Variants in PRDM10 observed in about 807,000 individuals in gnomAD.
PRDM10 encodes the protein PR/SET domain 10, also known as PR domain zinc finger protein 10.
Under a neutral mutation model 133.1 loss-of-function variants are expected in PRDM10, and 65 were observed. The observed-to-expected ratio is 0.49, with a 90% CI of 0.40 to 0.60. The LOEUF (loss-of-function observed/expected upper bound fraction) is 0.60, where lower values mean the gene tolerates loss of function less well. PRDM10 is among the 20% of genes least tolerant of loss of function. PRDM10 has a pLI of 0.00. For missense variants in PRDM10, 1,137 were observed against 1,507.1 expected, an observed-to-expected ratio of 0.75 and a Z score of 4.07; for synonymous variants, 582 against 580.4, an observed-to-expected ratio of 1.00 and a Z score of -0.04.
intron 1 of PRDM10, among the ~76,000 whole-genome samples, chr11:129,995,914 C>A (rs1042168664): frequency 2.6e-5 from 4 of 151,902 alleles, no homozygotes; most frequent in Admixed American, 6.6e-5. Context: ...CCACTGCACT[C>A]CAGCCTGGGC....
intron 1 of PRDM10, among the ~76,000 whole-genome samples, chr11:129,963,396 GAA>G (rs1951838531): frequency 4.4e-5 from 5 of 112,882 alleles, no homozygotes; most frequent in Admixed American, 1.8e-4. Flanking sequence ...GAAGAGAAGA[GAA>G]GAGAAGAGAA....
rs1235165550 is a variant in PRDM10, at chr11:129,918,852, C to G, written c.2035-134G>C. On this transcript the variant is annotated intron_variant, in intron 13 of 20. Coordinates refer to ENST00000360871, the MANE Select transcript of PRDM10 (RefSeq NM_199437.2). This position sits in a 1 kb window ranked among gnomAD's most constrained non-coding sequence, Gnocchi z 5.3. Reference sequence around the variant, plus strand: ...AAGAGACATTTGAGTTGCTGGAACACTAGGACGCAGACATGTTAAAAGTGG... The same window carrying G: ...AAGAGACATTTGAGTTGCTGGAACAGTAGGACGCAGACATGTTAAAAGTGG... 2.3e-6 allele frequency: 2 copies of G among 870,734 alleles called. No individual in the cohort carries two copies. The highest frequency in any genetic ancestry group is 3.6e-6 in the Non-Finnish European group (2 of 560,338). 53.9% of individuals were successfully genotyped at this position (870,734 alleles called of 1,614,324 possible). A position where few individuals can be genotyped will look rare whatever the true frequency, so the allele number is the denominator to read the frequency against.
Position 129,918,704 on chromosome 11 carries a change from T to C in PRDM10, c.2049A>G (p.Leu683=). ...TATGCATCCTCTGCATGTGTTCCCG[T>C]AGTTTGTCTTTTCGCTATTTGGAGA... ...CGKQFKRKDK[L]REHMQRMHNP... is the part of the protein sequence containing the mutation. The change falls in exon 14 of 21, where the codon CTA becomes CTG. Residue 683 remains leucine (L), a synonymous_variant. Coordinates refer to ENST00000360871, the MANE Select transcript of PRDM10 (RefSeq NM_199437.2). The surrounding 1 kb of genome is among the most constrained non-coding windows in gnomAD (Gnocchi z 5.3). 1 of 1,610,260 alleles carries C rather than the reference T, an allele frequency of 6.2e-7. No individual in the cohort carries two copies.
chr11:129,902,497 T>C lies in PRDM10; in HGVS notation c.3287A>G (p.Glu1096Gly), dbSNP rs1419044498. ...CTTTTCTTCCAATTCTGATTGACTT[T>C]CTGATAACACATAATGACCCTAGAG... Reference protein sequence around the residue: ...AVTSGHYVLSESQSELEEKQT... With the variant: ...AVTSGHYVLSGSQSELEEKQT... Residue 1096 changes from glutamate to glycine, a missense_variant, in exon 21 of 21, where the codon GAA becomes GGA. Glu to Gly is a moderately conservative substitution (Grantham distance 98, BLOSUM62 -2). This residue lies in a region of PRDM10 where 243 missense variants were observed against 259.2 expected (regional missense o/e 0.94). Coordinates refer to ENST00000360871, the MANE Select transcript of PRDM10 (RefSeq NM_199437.2). 1 of 1,614,134 alleles carries C rather than the reference T, an allele frequency of 6.2e-7. No individual in the cohort carries two copies. The highest frequency in any genetic ancestry group is 8.5e-7 in the Non-Finnish European group (1 of 1,179,986).
At chr11:129,912,577 C>A (rs1170944016) in intron 17 of PRDM10, among the ~76,000 whole-genome samples, 1 of 151,812 alleles carries the variant, frequency 6.6e-6, no homozygotes, top group African/African-American at 2.4e-5. Context: ...TGGTGAAACC[C>A]CGTCTCTACT....
At chr11:129,952,191 G>C (rs2135901752) in intron 4 of PRDM10, among the ~76,000 whole-genome samples, 1 of 152,302 alleles carries the variant, frequency 6.6e-6, no homozygotes, top group East Asian at 1.9e-4. Context: ...TCTGGAGATT[G>C]GAAAAGATGA....
intron 1 of PRDM10, among the ~76,000 whole-genome samples, chr11:129,989,312 A>G (rs1591701993): frequency 6.7e-6 from 1 of 149,562 alleles, no homozygotes; most frequent in African/African-American, 2.5e-5. Context: ...TCTGGGAGGG[A>G]AAAAAAAAAG....
chr11:129,946,910 G>A (rs556347118), intron 5 of PRDM10, among the ~76,000 whole-genome samples: 3 of 152,186 alleles, frequency 2.0e-5, no homozygotes, highest in Non-Finnish European at 2.9e-5. Context: ...GACCCCCAGC[G>A]AGCTTCCCAA....
At chr11:129,958,462 T>G (rs1239096253) in intron 2 of PRDM10, among the ~76,000 whole-genome samples, 2 of 151,992 alleles carry the variant, frequency 1.3e-5, no homozygotes, top group African/African-American at 2.4e-5. Flanking sequence ...GCCAACATGG[T>G]GAAACCCTGT....
intron 19 of PRDM10, among the ~76,000 whole-genome samples, chr11:129,906,324 T>C (rs868083710): frequency 2.0e-5 from 3 of 151,960 alleles, no homozygotes; most frequent in Non-Finnish European, 4.4e-5. Flanking sequence ...ACACAAGACG[T>C]GACGAAAGGC....
At chr11:129,935,585 T>C (rs1007532641) in intron 8 of PRDM10, among the ~76,000 whole-genome samples, 8 of 152,302 alleles carry the variant, frequency 5.3e-5, no homozygotes, top group African/African-American at 1.9e-4. Flanking sequence ...TCTGAGGGTA[T>C]ATTTTAGCAC....
chr11:129,910,902 G>A (rs955684736), intron 18 of PRDM10, among the ~76,000 whole-genome samples: 4 of 152,022 alleles, frequency 2.6e-5, no homozygotes, highest in Non-Finnish European at 5.9e-5. Flanking sequence ...TCAGCCTCGC[G>A]AGTAGCTAGG....
intron 1 of PRDM10, among the ~76,000 whole-genome samples, chr11:129,983,849 G>T (rs1938255068): frequency 6.6e-6 from 1 of 152,156 alleles, no homozygotes. Context: ...TATTGAATCA[G>T]ATTCCGAAGT....
At chr11:129,960,196 G>T (rs1951770069) in intron 2 of PRDM10, among the ~76,000 whole-genome samples, 1 of 152,090 alleles carries the variant, frequency 6.6e-6, no homozygotes, top group African/African-American at 2.4e-5. Flanking sequence ...CTATGGTTAT[G>T]TAATTTAATG....
At chr11:129,915,936 T>C in intron 15 of PRDM10, 76 bp from the exon 16 acceptor site, 1 of 1,407,208 alleles carries the variant, frequency 7.1e-7, no homozygotes, top group African/African-American at 1.4e-5. Flanking sequence ...AACAATTTCA[T>C]TATAAGAAAA....
chr11:129,935,102 T>A lies in PRDM10; in HGVS notation c.1156A>T (p.Arg386Ter). The A allele has an allele frequency of 6.2e-7, 1 of 1,611,260 alleles. No individual in the cohort carries two copies. The highest frequency in any genetic ancestry group is 1.1e-5 in the South Asian group (1 of 91,022). Residue 386 changes from arginine to a stop codon, truncating the protein, a stop_gained and splice_region_variant, in exon 9 of 21, where the codon AGA becomes TGA. Transcript: ENST00000360871. LOFTEE classifies it high-confidence loss of function. Reference sequence around the variant, plus strand: ...TGAGCATTTCTCCCTCATACATACCTGCTAAACACATCTAGTTTCTCATCA... The same window carrying A: ...TGAGCATTTCTCCCTCATACATACCAGCTAAACACATCTAGTTTCTCATCA... ...SHDEKLDVFS[R>*]TRGRGRGRGK...
chr11:129,996,723 G>A (rs11827079), intron 1 of PRDM10, among the ~76,000 whole-genome samples: 18,169 of 152,140 alleles, frequency 0.12, 1,431 homozygotes, highest in African/African-American at 0.22. Context: ...AGAAAATCCC[G>A]AATATTTAAG....
At chr11:129,954,941 G>T (rs1951669072) in intron 4 of PRDM10, among the ~76,000 whole-genome samples, 1 of 152,218 alleles carries the variant, frequency 6.6e-6, no homozygotes, top group African/African-American at 2.4e-5. Flanking sequence ...TTATAGGCAT[G>T]AGCCTCTGTG....
intron 7 of PRDM10, among the ~76,000 whole-genome samples, chr11:129,939,088 C>T (rs1229698121): frequency 1.3e-5 from 2 of 152,174 alleles, no homozygotes; most frequent in Non-Finnish European, 2.9e-5. Flanking sequence ...ACATCAAAAT[C>T]GGTCCCTTTC....
Sources: gnomAD v4.1 joint callset for allele counts (sites outside exome capture counted in the v4.1 genomes callset) on GRCh38, gnomAD v4.1.1 for gene constraint, gnomAD v4.1.1 regional missense constraint, Gnocchi (gnomAD v3.1) non-coding constraint, MANE v1.5 for transcripts, NCBI Gene and HGNC (gene_info 2026-07-23, HGNC 2026-07-21) for gene names.